Variants in GABRB3 observed in about 807,000 individuals in gnomAD.
GABRB3 encodes the protein gamma-aminobutyric acid type A receptor subunit beta3, also known as gamma-aminobutyric acid receptor subunit beta-3.
Under a neutral mutation model 52.1 loss-of-function variants are expected in GABRB3, and 14 were observed. The observed-to-expected ratio is 0.27, with a 90% confidence interval of 0.18 to 0.42. The LOEUF (loss-of-function observed/expected upper bound fraction) is 0.42. Among genes scored for constraint, GABRB3 ranks in the 10% least tolerant of loss-of-function variants. GABRB3 has a pLI of 1.00. For missense variants in GABRB3, 307 were observed against 609.1 expected (o/e 0.50, Z 5.22); for synonymous variants, 260 against 232.3 (o/e 1.12, Z -1.08).
At chr15:26,689,523 TTA>T (rs1820750268) in intron 3 of GABRB3, among the ~76,000 whole-genome samples, 1 of 152,112 alleles carries the variant, frequency 6.6e-6, no homozygotes, top group South Asian at 2.1e-4. Context: ...AGGAGAAACA[TTA>T]CACTTCATGC....
intron 3 of GABRB3, among the ~76,000 whole-genome samples, chr15:26,649,668 G>GTGTGTGTA (rs1555373950): frequency 8.0e-5 from 12 of 150,936 alleles, no homozygotes; most frequent in Non-Finnish European, 1.8e-4. Context: ...CTGTGTGTGT[G>GTGTGTGTA]TGTGTGTGTG....
At chr15:26,582,851 C>T (rs1890836476) in intron 5 of GABRB3, among the ~76,000 whole-genome samples, 1 of 152,172 alleles carries the variant, frequency 6.6e-6, no homozygotes, top group South Asian at 2.1e-4. Context: ...GTTATGGATG[C>T]AGTTCTCATC....
chr15:26,687,960 G>A (rs1017373705), intron 3 of GABRB3, among the ~76,000 whole-genome samples: 1 of 152,172 alleles, frequency 6.6e-6, no homozygotes, highest in Non-Finnish European at 1.5e-5. Flanking sequence ...TCCAGAGCAC[G>A]CTTTTTGAGT....
At chr15:26,587,008 T>C (rs114039447) in intron 4 of GABRB3, among the ~76,000 whole-genome samples, 70 of 152,310 alleles carry the variant, frequency 4.6e-4, no homozygotes, top group African/African-American at 1.6e-3. Flanking sequence ...CAGTAGAGTA[T>C]TGTACATTTC....
At chr15:26,704,099 G>C (rs1333567537) in intron 3 of GABRB3, among the ~76,000 whole-genome samples, 1 of 152,186 alleles carries the variant, frequency 6.6e-6, no homozygotes, top group Non-Finnish European at 1.5e-5. Context: ...TTTGACATCT[G>C]GGAGGAGGAA....
At chr15:26,664,503 T>C (rs1566796259) in intron 3 of GABRB3, among the ~76,000 whole-genome samples, 1 of 152,184 alleles carries the variant, frequency 6.6e-6, no homozygotes, top group Admixed American at 6.5e-5. Flanking sequence ...ACTGTGTATG[T>C]TTCACGGTGG....
At position 26,606,723 on chromosome 15, in the gene GABRB3, C is replaced by T. The variant is rs145454410; in HGVS notation, c.461+14591G>A. 2.6e-3 allele frequency among the ~76,000 whole-genome samples: 279 copies of T among 105,718 alleles called. 4 individuals carry two copies. The highest frequency in any genetic ancestry group is 4.7e-3 in the Non-Finnish European group (224 of 47,476). 69.4% of individuals were successfully genotyped at this position (105,718 alleles called of 152,430 possible). ...GAACAAGTAAGAAGTAAATTGTCAA[C>T]GCAATCATATATATCTGTCATATAT... On this transcript the variant is annotated intron_variant, in intron 4 of 8. Transcript: ENST00000311550.
At chr15:26,630,198 C>T (rs1022688424) in intron 3 of GABRB3, among the ~76,000 whole-genome samples, 2 of 152,304 alleles carry the variant, frequency 1.3e-5, no homozygotes, top group East Asian at 3.9e-4. Context: ...CCCAGGGCAC[C>T]TGCAGAGACC....
chr15:26,740,914 T>C (rs1430731422), intron 3 of GABRB3, among the ~76,000 whole-genome samples: 2 of 151,944 alleles, frequency 1.3e-5, no homozygotes, highest in East Asian at 1.9e-4. Context: ...CTGCTGGAAG[T>C]ACTTGGAGGG....
intron 6 of GABRB3, among the ~76,000 whole-genome samples, chr15:26,579,877 G>A (rs1890725152): frequency 1.3e-5 from 2 of 152,214 alleles, no homozygotes; most frequent in Admixed American, 6.5e-5. Flanking sequence ...TGGAGGTGGC[G>A]CAAGTTCCTG....
chr15:26,714,335 G>A (rs1889399793), intron 3 of GABRB3, among the ~76,000 whole-genome samples: 2 of 152,188 alleles, frequency 1.3e-5, no homozygotes, highest in South Asian at 4.1e-4. Context: ...AGTTAATTTA[G>A]AAAGTTTATT....
At chr15:26,756,741 A>C (rs1890674119) in intron 3 of GABRB3, among the ~76,000 whole-genome samples, 1 of 152,168 alleles carries the variant, frequency 6.6e-6, no homozygotes, top group Admixed American at 6.5e-5. Context: ...TCATGTATAG[A>C]GTTCACAGCT....
At chr15:26,687,317 G>T (rs1025138585) in intron 3 of GABRB3, among the ~76,000 whole-genome samples, 1 of 152,186 alleles carries the variant, frequency 6.6e-6, no homozygotes, top group Non-Finnish European at 1.5e-5. Flanking sequence ...ATCTGGTGAA[G>T]ATTTTAAAAT....
chr15:26,738,613 C>T (rs552822203), intron 3 of GABRB3, among the ~76,000 whole-genome samples: 4 of 152,282 alleles, frequency 2.6e-5, no homozygotes, highest in Admixed American at 2.6e-4. Flanking sequence ...ACTCTCACGG[C>T]GCCCTTGCCT....
intron 4 of GABRB3, among the ~76,000 whole-genome samples, chr15:26,589,501 G>A (rs1006144606): frequency 6.6e-6 from 1 of 152,186 alleles, no homozygotes; most frequent in African/African-American, 2.4e-5. Flanking sequence ...AGATTAAAAT[G>A]TCCATTGCAA....
At chr15:26,591,845 C>A (rs1226088330) in intron 4 of GABRB3, among the ~76,000 whole-genome samples, 1 of 152,144 alleles carries the variant, frequency 6.6e-6, no homozygotes, top group Non-Finnish European at 1.5e-5. Flanking sequence ...TTTAAATCAA[C>A]TTAAATGAAA....
intron 6 of GABRB3, among the ~76,000 whole-genome samples, chr15:26,576,359 GA>G (rs1197989840): frequency 4.6e-5 from 7 of 152,112 alleles, no homozygotes; most frequent in African/African-American, 1.7e-4. Flanking sequence ...TTCCTGAAAT[GA>G]AATTTTAAAA....
intron 4 of GABRB3, among the ~76,000 whole-genome samples, chr15:26,591,745 T>C (rs1425737120): frequency 6.6e-6 from 1 of 152,250 alleles, no homozygotes; most frequent in African/African-American, 2.4e-5. Context: ...ATTATGGCAC[T>C]TGGGGGTTTC....
chr15:26,564,668 A>G (rs72700068), intron 7 of GABRB3, among the ~76,000 whole-genome samples: 27,509 of 152,182 alleles, frequency 0.18, 3,123 homozygotes, highest in Admixed American at 0.25. Context: ...GTGCTATAAG[A>G]CTAGGTGCTT....
Sources: allele counts gnomAD v4.1 joint callset (sites outside exome capture counted in the v4.1 genomes callset), GRCh38; gene constraint gnomAD v4.1.1; transcripts MANE v1.5; gene names NCBI Gene and HGNC (gene_info 2026-07-23, HGNC 2026-07-21).